DTHD1: variants seen among roughly 807,000 people sequenced by gnomAD.
DTHD1 encodes death domain-containing protein 1.
In DTHD1, 59 loss-of-function variants were observed where a neutral mutation model predicts 74.8. That is an observed-to-expected ratio of 0.79 (90% CI 0.64 to 0.98). The LOEUF (loss-of-function observed/expected upper bound fraction) is 0.98. DTHD1 is among the 50% of genes least tolerant of loss of function. The probability of loss-of-function intolerance (pLI) is 0.00; values close to 1 mark genes in which losing one functional copy is unlikely to be tolerated. For missense variants in DTHD1, 1,051 were observed against 1,065.4 expected (o/e 0.99, Z 0.19); for synonymous variants, 365 against 371.1 (o/e 0.98, Z 0.19).
At position 36,345,640 on chromosome 4, in the gene DTHD1, A is replaced by G. The variant is rs907209098; in HGVS notation, c.*1816A>G. ...AGTCAAGATTTTTTACATGCTGCCA[A>G]AAAGGTACAATATGTATTTTCATGT... On this transcript the variant is annotated 3_prime_UTR_variant, in exon 10 of 10. Coordinates refer to ENST00000639862, the MANE Select transcript of DTHD1 (RefSeq NM_001170700.3). The G allele has an allele frequency of 2.0e-5, 3 of 152,196 alleles. No individual in the cohort carries two copies. The highest frequency in any genetic ancestry group is 2.0e-4 in the Admixed American group (3 of 15,272). 9.4% of individuals were successfully genotyped at this position (152,196 alleles called of 1,614,324 possible).
At chr4:36,310,627 T>C (rs969014231) in intron 7 of DTHD1, among the ~76,000 whole-genome samples, 1 of 152,182 alleles carries the variant, frequency 6.6e-6, no homozygotes, top group African/African-American at 2.4e-5. Context: ...GCCTATTTTC[T>C]CTCTGATTCA....
At chr4:36,311,775 A>G (rs1232949523) in intron 7 of DTHD1, 1 of 152,230 alleles carries the variant, frequency 6.6e-6, no homozygotes, top group African/African-American at 2.4e-5. Flanking sequence ...TTCAGTCCCC[A>G]GCACCTAGGG....
intron 8 of DTHD1, among the ~76,000 whole-genome samples, chr4:36,326,328 C>T (rs1228296359): frequency 1.3e-5 from 2 of 148,538 alleles, no homozygotes; most frequent in Non-Finnish European, 1.5e-5. Flanking sequence ...ATATAAAAAT[C>T]ATGGTAATGA....
At chr4:36,303,192 T>C (rs1435692382) in intron 5 of DTHD1, among the ~76,000 whole-genome samples, 1 of 152,208 alleles carries the variant, frequency 6.6e-6, no homozygotes, top group Non-Finnish European at 1.5e-5. Flanking sequence ...GATCAAGTGC[T>C]ACTCACTGTC....
At chr4:36,286,709 T>G (rs1755734886) in intron 2 of DTHD1, among the ~76,000 whole-genome samples, 1 of 152,246 alleles carries the variant, frequency 6.6e-6, no homozygotes, top group African/African-American at 2.4e-5. Flanking sequence ...TATAGCCTAC[T>G]GCACGCTTAG....
Position 36,343,831 on chromosome 4 carries a change from G to A in DTHD1, c.*7G>A, listed in dbSNP as rs778328734. ...TGATGTAGCCCCTGAGTAAAAGCCT[G>A]ATCTCTCTTCCTTTACCCCTAGGAA... On this transcript the variant is annotated 3_prime_UTR_variant, in exon 10 of 10. Transcript: ENST00000639862. 33 of 1,537,024 alleles carry A rather than the reference G, an allele frequency of 2.1e-5. No homozygotes were observed. In the African/African-American group the frequency reaches 4.4e-4, roughly 21 times the overall value.
At chr4:36,314,473 G>A (rs191612438) in intron 7 of DTHD1, among the ~76,000 whole-genome samples, 23 of 142,854 alleles carry the variant, frequency 1.6e-4, no homozygotes, top group African/African-American at 5.2e-4. Flanking sequence ...AGGAGAGTTC[G>A]AGACCAGCCT....
Position 36,326,868 on chromosome 4 carries a change from G to A in DTHD1, c.2340+10382G>A, listed in dbSNP as rs186387303. Among the ~76,000 whole-genome samples, 381 of 152,210 alleles carry A rather than the reference G, an allele frequency of 2.5e-3. 1 individual carries two copies. The highest frequency in any genetic ancestry group is 3.4e-3 in the Middle Eastern group (1 of 294). On this transcript the variant is annotated intron_variant, in intron 8 of 9. Transcript: ENST00000639862. ...TGACATTTTGTGTGTGGCTGTCCAG[G>A]CCTTTCCCAGAAACATTCAGATTAC...
At chr4:36,339,215 C>G in intron 9 of DTHD1, 46 bp downstream of exon 9, 1 of 1,340,544 alleles carries the variant, frequency 7.5e-7, no homozygotes, top group Admixed American at 2.1e-5. Flanking sequence ...TCCCCACCCC[C>G]TTATATGTTG....
intron 2 of DTHD1, among the ~76,000 whole-genome samples, chr4:36,289,254 T>G (rs1421781892): frequency 3.3e-5 from 5 of 152,162 alleles, no homozygotes; most frequent in Admixed American, 2.0e-4. Context: ...GTTGGTAATT[T>G]TAATGTAGAA....
At position 36,282,008 on chromosome 4, in the gene DTHD1, A is replaced by G. The variant is rs1309021586; in HGVS notation, c.250A>G (p.Asn84Asp). The change falls in exon 1 of 10, where the codon AAT becomes GAT. Residue 84 changes from asparagine to aspartate, a missense_variant. Transcript: ENST00000639862. ...QQLHVLLDKE[N>D]QCVSRKEIIT... is the part of the protein sequence containing the mutation. ...GCTGCATGTGCTGCTTGACAAAGAGAATCAATGTGTCTCGAGAAAAGGCAA... is the reference window on the plus strand; with the variant it reads ...GCTGCATGTGCTGCTTGACAAAGAGGATCAATGTGTCTCGAGAAAAGGCAA... 8.5e-6 allele frequency: 13 copies of G among 1,524,366 alleles called. No homozygotes were observed. Among genetic ancestry groups the G allele is most frequent in the African/African-American group, 1.4e-5 (1 of 71,966 alleles). The allele number at this position is 1,524,366 out of a possible 1,614,324, so 94.4% of individuals were successfully genotyped here. A position where few individuals can be genotyped will look rare whatever the true frequency, so the allele number is the denominator to read the frequency against.
chr4:36,292,169 C>T (rs1226105221), intron 3 of DTHD1, among the ~76,000 whole-genome samples: 1 of 152,136 alleles, frequency 6.6e-6, no homozygotes, highest in Non-Finnish European at 1.5e-5. Flanking sequence ...GTATGATAGT[C>T]TAGTCAGCAT....
intron 4 of DTHD1, among the ~76,000 whole-genome samples, chr4:36,294,194 A>T (rs2109462788): frequency 6.6e-6 from 1 of 152,170 alleles, no homozygotes; most frequent in South Asian, 2.1e-4. Flanking sequence ...ATGTAAATGT[A>T]TATTTTACAA....
chr4:36,290,394 T>C lies in DTHD1; in HGVS notation c.909T>C (p.Asp303=). Reference sequence around the variant, plus strand: ...CCAGGTATCTTGATGTGCTGAGTGATGTTACTGGCCCCCAAGTGTCTTGTT... The same window carrying C: ...CCAGGTATCTTGATGTGCTGAGTGACGTTACTGGCCCCCAAGTGTCTTGTT... The part of the protein sequence containing the change: ...MEKEYLDVLS[D]VTGPQVSCYI... Residue 303 remains aspartate, a synonymous_variant, in exon 3 of 10, where the codon GAT becomes GAC. Transcript: ENST00000639862. 1 of 1,550,792 alleles carries C rather than the reference T, an allele frequency of 6.4e-7. No homozygotes were observed. Among genetic ancestry groups the C allele is most frequent in the Non-Finnish European group, 8.7e-7 (1 of 1,146,094 alleles).
At chr4:36,335,855 T>G (rs939363133) in intron 8 of DTHD1, among the ~76,000 whole-genome samples, 3 of 152,216 alleles carry the variant, frequency 2.0e-5, no homozygotes, top group African/African-American at 7.2e-5. Flanking sequence ...TACAGGGCTA[T>G]AATTAGGGAG....
chr4:36,292,678 C>T (rs573308319), intron 3 of DTHD1, among the ~76,000 whole-genome samples: 4 of 152,304 alleles, frequency 2.6e-5, no homozygotes, highest in African/African-American at 9.6e-5. Flanking sequence ...AGTCAGCTTT[C>T]AAATGGTAGA....
At chr4:36,295,667 A>T (rs901426275) in intron 5 of DTHD1, among the ~76,000 whole-genome samples, 1 of 152,152 alleles carries the variant, frequency 6.6e-6, no homozygotes, top group Admixed American at 6.5e-5. Context: ...TGAGAATTAC[A>T]GTTACCTGGA....
At position 36,344,035 on chromosome 4, in the gene DTHD1, A is replaced by G. The variant is rs1759470323; in HGVS notation, c.*211A>G. On this transcript the variant is annotated 3_prime_UTR_variant, in exon 10 of 10. Coordinates refer to ENST00000639862, the MANE Select transcript of DTHD1 (RefSeq NM_001170700.3). ...AGCGCTCCTCTCTGGTTGAGTGATT[A>G]TGTTTTGCAACCATGACTGTCTTGA... The G allele has an allele frequency of 1.8e-6, 1 of 549,878 alleles. No homozygotes were observed. The highest frequency in any genetic ancestry group is 3.1e-5 in the East Asian group (1 of 32,468). The allele number at this position is 549,878 out of a possible 1,614,324, so 34.1% of individuals were successfully genotyped here. A position where few individuals can be genotyped will look rare whatever the true frequency, so the allele number is the denominator to read the frequency against.
rs56817647 is a variant in DTHD1, at chr4:36,322,597, G to C, written c.2340+6111G>C. Among the ~76,000 whole-genome samples the C allele has an allele frequency of 5.5e-3, 834 of 152,132 alleles. 4 individuals carry two copies. Among genetic ancestry groups the C allele is most frequent in the African/African-American group, 0.019 (781 of 41,482 alleles). The stretch of plus-strand genomic sequence containing the variant: ...ACGCATTTCAAGTCAAGGACTCGAA[G>C]GAAGGCTGTGATGGTCAGTGCGCAT... On this transcript the variant is annotated intron_variant, in intron 8 of 9. Coordinates refer to ENST00000639862, the MANE Select transcript of DTHD1 (RefSeq NM_001170700.3).
Sources: allele counts gnomAD v4.1 joint callset (sites outside exome capture counted in the v4.1 genomes callset), GRCh38; gene constraint gnomAD v4.1.1; transcripts MANE v1.5; gene names NCBI Gene and HGNC (gene_info 2026-07-23, HGNC 2026-07-21).